Variants in C9orf152 observed in about 807,000 individuals in gnomAD.
C9orf152 encodes the protein chromosome 9 open reading frame 152.
In C9orf152, 8 loss-of-function variants were observed where a neutral mutation model predicts 8.5. That is an observed-to-expected ratio of 0.94 (90% CI 0.55 to 1.70). C9orf152 has a LOEUF of 1.70. C9orf152 is among the 40% of genes most tolerant of loss of function. C9orf152 has a pLI of 0.00. For missense variants in C9orf152, 293 were observed against 286.2 expected (o/e 1.02, Z -0.17); for synonymous variants, 109 against 113.0 (o/e 0.96, Z 0.22).
chr9:110,205,096 T>G (rs1029398371), intron 1 of C9orf152, among the ~76,000 whole-genome samples: 2 of 152,200 alleles, frequency 1.3e-5, no homozygotes, highest in African/African-American at 2.4e-5. Flanking sequence ...AATTTACACA[T>G]GGATTTGCCA....
rs1587907135 is a variant in C9orf152, at chr9:110,207,778, T to G, written c.-199A>C. 2.3e-5 allele frequency: 10 copies of G among 442,278 alleles called. No individual in the cohort carries two copies. The highest frequency in any genetic ancestry group is 4.8e-5 in the African/African-American group (2 of 41,676). 27.4% of individuals were successfully genotyped at this position (442,278 alleles called of 1,614,324 possible). The stretch of plus-strand genomic sequence containing the variant: ...AAGAGGAGGTAGGGATAGGGAGAAA[T>G]GTGGGGGAGGAGAAAGGTGGGAGAC... On this transcript the variant is annotated 5_prime_UTR_variant, in exon 1 of 2. Transcript: ENST00000400613.
chr9:110,202,071 T>TTTTGTTTG (rs58614004), intron 1 of C9orf152, among the ~76,000 whole-genome samples: 69 of 151,526 alleles, frequency 4.6e-4, no homozygotes, highest in African/African-American at 1.4e-3. Flanking sequence ...CTGGGATTCT[T>TTTTGTTTG]TTTGTTTGTT....
In C9orf152 at chr9:110,201,141, G is replaced by T. The variant is rs772416281; in HGVS notation, c.527C>A (p.Ala176Asp). The T allele has an allele frequency of 6.2e-7, 1 of 1,614,200 alleles. No individual in the cohort carries two copies. Among genetic ancestry groups the T allele is most frequent in the Non-Finnish European group, 8.5e-7 (1 of 1,180,032 alleles). ...ATTGCCCACCTGGCATGGAAGCTGG[G>T]CAGCCTCTGGGATTCCGGTTCCTTG... ...TQQGTGIPEA[A>D]QLPCQVGNTQ... The change falls in exon 2 of 2, where the codon GCC (alanine) becomes GAC (aspartate). Residue 176 changes from alanine to aspartate, a missense_variant. Ala to Asp is a moderately radical substitution (Grantham distance 126). Transcript: ENST00000400613.
At position 110,200,130 on chromosome 9, in the gene C9orf152, G is replaced by A. The variant is rs902160738; in HGVS notation, c.*818C>T. The A allele has an allele frequency of 1.3e-5, 2 of 148,614 alleles. No homozygotes were observed. Among genetic ancestry groups the A allele is most frequent in the African/African-American group, 4.9e-5 (2 of 40,546 alleles). The allele number at this position is 148,614 out of a possible 1,614,324, so 9.2% of individuals were successfully genotyped here. On this transcript the variant is annotated 3_prime_UTR_variant, in exon 2 of 2. Coordinates refer to ENST00000400613, the MANE Select transcript of C9orf152 (RefSeq NM_001012993.3). ...GAGAGAGAGAGAGAAAAGATAGGCA[G>A]GAAGGCAGGAAAGAAGGCAAGAAGG...
In C9orf152 at chr9:110,201,025, A is replaced by C. The variant is rs1426537507; in HGVS notation, c.643T>G (p.Tyr215Asp). ...KNPHRSGKPA[Y>D]YPFPQRKTPR... ...GTTTTCCTCTGGGGAAATGGATAGT[A>C]AGCTGGTTTGCCAGACCTGTGTGGG... The change falls in exon 2 of 2, where the codon TAC (tyrosine) becomes GAC (aspartate). Residue 215 changes from tyrosine (Y) to aspartate (D), a missense_variant. By Grantham distance (160) the Tyr-to-Asp change is radical (BLOSUM62 -3). Transcript: ENST00000400613. 6.2e-7 allele frequency: 1 copy of C among 1,614,214 alleles called. No homozygotes were observed. Among genetic ancestry groups the C allele is most frequent in the South Asian group, 1.1e-5 (1 of 91,090 alleles).
chr9:110,204,344 A>G (rs1837252144), intron 1 of C9orf152, among the ~76,000 whole-genome samples: 1 of 152,190 alleles, frequency 6.6e-6, no homozygotes, highest in Non-Finnish European at 1.5e-5. Flanking sequence ...CCATCGCATA[A>G]TGCTAAGACA....
Position 110,207,852 on chromosome 9 carries a change from A to C in C9orf152, c.-273T>G. 1 of 407,020 alleles carries C rather than the reference A, an allele frequency of 2.5e-6. No individual in the cohort carries two copies. The highest frequency in any genetic ancestry group is 4.9e-5 in the East Asian group (1 of 20,400). The allele number at this position is 407,020 out of a possible 1,614,324, so 25.2% of individuals were successfully genotyped here. ...ATGTCAGAGGAAAGAAGGGGCAGCG[A>C]AGGGGGAAAGACTGGAGGAAGGAGG... On this transcript the variant is annotated 5_prime_UTR_variant, in exon 1 of 2. Transcript: ENST00000400613.
At chr9:110,201,535 G>A in intron 1 of C9orf152, 61 bp from the exon 2 acceptor site, 1 of 1,401,418 alleles carries the variant, frequency 7.1e-7, no homozygotes, top group East Asian at 2.3e-5. Context: ...CTCTCACTTA[G>A]GGGGTCTCAT....
chr9:110,205,429 T>G lies in C9orf152; in HGVS notation c.193+1958A>C, dbSNP rs75624944. On this transcript the variant is annotated intron_variant, in intron 1 of 1. Coordinates refer to ENST00000400613, the MANE Select transcript of C9orf152 (RefSeq NM_001012993.3). ...TTACTCTGATTTCTCCCTGGATAATTACCTACTCCTTCACATTCAGTGCTA... is the reference window on the plus strand; with the variant it reads ...TTACTCTGATTTCTCCCTGGATAATGACCTACTCCTTCACATTCAGTGCTA... Among the ~76,000 whole-genome samples, 18 of 152,314 alleles carry G rather than the reference T, an allele frequency of 1.2e-4. No individual in the cohort carries two copies. In the East Asian group the frequency reaches 3.1e-3, roughly 26 times the overall value.
chr9:110,202,346 G>C (rs574785774), intron 1 of C9orf152, among the ~76,000 whole-genome samples: 1 of 152,334 alleles, frequency 6.6e-6, no homozygotes, highest in South Asian at 2.1e-4. Context: ...GACTCCCAAA[G>C]TGTTGGGATT....
chr9:110,199,569 A>T lies in C9orf152; in HGVS notation c.*1379T>A, dbSNP rs1343400816. Reference sequence around the variant, plus strand: ...CAAAAGCAAAGGACAAATTTTTTTGAGAAAATTTCCTTTTTTATTAGAATA... The same window carrying T: ...CAAAAGCAAAGGACAAATTTTTTTGTGAAAATTTCCTTTTTTATTAGAATA... On this transcript the variant is annotated 3_prime_UTR_variant, in exon 2 of 2. Transcript: ENST00000400613. 1.3e-5 allele frequency: 2 copies of T among 152,216 alleles called. No individual in the cohort carries two copies. The highest frequency in any genetic ancestry group is 2.9e-5 in the Non-Finnish European group (2 of 68,028). The allele number at this position is 152,216 out of a possible 1,614,324, so 9.4% of individuals were successfully genotyped here. A position where few individuals can be genotyped will look rare whatever the true frequency, so the allele number is the denominator to read the frequency against.
chr9:110,201,739 A>G (rs1375950523), intron 1 of C9orf152, among the ~76,000 whole-genome samples: 1 of 152,190 alleles, frequency 6.6e-6, no homozygotes, highest in Non-Finnish European at 1.5e-5. Context: ...TGTGCCAGGC[A>G]TTATTTATTC....
rs745365009 is a variant in C9orf152 at position 110,200,908 on chromosome 9, G to A, written c.*40C>T. 46 of 1,547,750 alleles carry A rather than the reference G, an allele frequency of 3.0e-5. No individual in the cohort carries two copies. The highest frequency in any genetic ancestry group is 3.7e-5 in the Non-Finnish European group (43 of 1,150,242). ...TCCTTGGTTCTTCTATAAGGCCATA[G>A]GTGGCCTCAAGGTCAAGACATCTGG... On this transcript the variant is annotated 3_prime_UTR_variant, in exon 2 of 2. Coordinates refer to ENST00000400613, the MANE Select transcript of C9orf152 (RefSeq NM_001012993.3).
rs1564357320 is a variant in C9orf152, at chr9:110,201,273, T to C, written c.395A>G (p.Gln132Arg). The C allele has an allele frequency of 5.0e-6, 8 of 1,614,048 alleles. No homozygotes were observed. Among genetic ancestry groups the C allele is most frequent in the Non-Finnish European group, 6.8e-6 (8 of 1,180,006 alleles). Residue 132 changes from glutamine (Q) to arginine (R), a missense_variant, in exon 2 of 2, where the codon CAG becomes CGG. Gln to Arg is a conservative substitution (Grantham distance 43). Coordinates refer to ENST00000400613, the MANE Select transcript of C9orf152 (RefSeq NM_001012993.3). The stretch of plus-strand genomic sequence containing the variant: ...ATGATGTACTTGATGACTGGTGTCC[T>C]GGGGGGAGGTTTGGACCAAACAATG... ...EMHCLVQTSP[Q>R]DTSHQVHHRG...
At position 110,207,326 on chromosome 9, in the gene C9orf152, G is replaced by A. The variant is rs1337587534; in HGVS notation, c.193+61C>T. 11 of 1,555,358 alleles carry A rather than the reference G, an allele frequency of 7.1e-6. No individual in the cohort carries two copies. In the Admixed American group the frequency reaches 1.2e-4, roughly 16 times the overall value. ...AAAGCCCTGGCTCTGCCTCCCTGCA[G>A]CTCTGCCACTCAGGTCTCCCATGGT... On this transcript the variant is annotated intron_variant, in intron 1 of 1. Transcript: ENST00000400613.
At position 110,207,807 on chromosome 9, in the gene C9orf152, G is replaced by T. The variant is rs771656923; in HGVS notation, c.-228C>A. 13 of 491,848 alleles carry T rather than the reference G, an allele frequency of 2.6e-5. No individual in the cohort carries two copies. The highest frequency in any genetic ancestry group is 5.0e-4 in the Middle Eastern group (1 of 2,014). 30.5% of individuals were successfully genotyped at this position (491,848 alleles called of 1,614,324 possible). ...GGGGAGGAGAAAGGTGGGAGACAGT[G>T]GCAGTAAGAGGAGAAGGAAATGTCA... On this transcript the variant is annotated 5_prime_UTR_variant, in exon 1 of 2. Coordinates refer to ENST00000400613, the MANE Select transcript of C9orf152 (RefSeq NM_001012993.3).
Position 110,199,902 on chromosome 9 carries a change from C to T in C9orf152, c.*1046G>A, listed in dbSNP as rs951244382. The T allele has an allele frequency of 2.0e-5, 3 of 152,210 alleles. No individual in the cohort carries two copies. The highest frequency in any genetic ancestry group is 7.2e-5 in the African/African-American group (3 of 41,448). The allele number at this position is 152,210 out of a possible 1,614,324, so 9.4% of individuals were successfully genotyped here. ...GCTTTTTTCCCTATCACCCAAGTGA[C>T]ACCTGCTTCGCTTTGTCTTAGGTTT... On this transcript the variant is annotated 3_prime_UTR_variant, in exon 2 of 2. Coordinates refer to ENST00000400613, the MANE Select transcript of C9orf152 (RefSeq NM_001012993.3).
At chr9:110,201,657 C>T (rs1293186913) in intron 1 of C9orf152, among the ~76,000 whole-genome samples, 183 bp from the exon 2 acceptor site, 3 of 152,132 alleles carry the variant, frequency 2.0e-5, no homozygotes, top group Non-Finnish European at 4.4e-5. Context: ...TGCCCTTTTA[C>T]ACCTCACCCA....
chr9:110,204,273 T>A (rs10733575), intron 1 of C9orf152, among the ~76,000 whole-genome samples: 106,852 of 152,100 alleles, frequency 0.7, 38,027 homozygotes, highest in East Asian at 0.95. Flanking sequence ...GTCCCCTGGG[T>A]ACTTACGTTG....
Sources: gnomAD v4.1 joint callset for allele counts (sites outside exome capture counted in the v4.1 genomes callset) on GRCh38, gnomAD v4.1.1 for gene constraint, MANE v1.5 for transcripts, NCBI Gene and HGNC (gene_info 2026-07-23, HGNC 2026-07-21) for gene names.